USP34: variants seen among roughly 807,000 people sequenced by gnomAD.
The protein encoded by USP34 is ubiquitin specific peptidase 34, also known as ubiquitin carboxyl-terminal hydrolase 34.
A neutral mutation model predicts 460.3 loss-of-function variants in USP34; 70 were observed. That is an observed-to-expected ratio of 0.15 (90% CI 0.13 to 0.19). The LOEUF is 0.19. USP34 is among the 10% of genes least tolerant of loss of function. USP34 has a pLI of 1.00. For synonymous variants in USP34, 1,647 were observed against 1,405.3 expected (o/e 1.17, Z -3.85); for missense variants, 3,985 against 4,236.2 (o/e 0.94, Z 1.65).
At chr2:61,353,531 A>G (rs1349985747) in intron 10 of USP34, among the ~76,000 whole-genome samples, 1 of 151,568 alleles carries the variant, frequency 6.6e-6, no homozygotes, top group Non-Finnish European at 1.5e-5. Context: ...AGCTGGGACC[A>G]CAGGTGTGTG....
intron 2 of USP34, among the ~76,000 whole-genome samples, chr2:61,419,935 A>G (rs1356812512): frequency 6.6e-6 from 1 of 152,244 alleles, no homozygotes; most frequent in Non-Finnish European, 1.5e-5. Flanking sequence ...AATAAAATCT[A>G]CAAAGTCTTT....
chr2:61,378,913 G>GAAAAAAAAAAAACAA (rs1692880184), intron 7 of USP34, among the ~76,000 whole-genome samples: 1 of 57,872 alleles, frequency 1.7e-5, no homozygotes, highest in Non-Finnish European at 2.8e-5. Flanking sequence ...TCAAAAAAAC[G>GAAAAAAAAAAAACAA]AAAAAAAAAA....
At chr2:61,204,446 G>T in intron 73 of USP34, 51 bp downstream of exon 73, 7 of 1,613,044 alleles carry the variant, frequency 4.3e-6, no homozygotes, top group Non-Finnish European at 5.9e-6. Context: ...TCAGTGTGCA[G>T]AACGATTAAA....
intron 37 of USP34, 74 bp from the exon 38 acceptor site, chr2:61,281,316 T>G: frequency 2.0e-6 from 3 of 1,495,266 alleles, no homozygotes; most frequent in Non-Finnish European, 1.8e-6. Context: ...GAAATAATTT[T>G]AGGTGATTTT....
intron 1 of USP34, among the ~76,000 whole-genome samples, chr2:61,435,447 A>C (rs967282696): frequency 6.6e-6 from 1 of 152,164 alleles, no homozygotes; most frequent in East Asian, 1.9e-4. Flanking sequence ...TAACAGAGTT[A>C]AAGTACTAAA....
chr2:61,331,477 A>C, intron 19 of USP34, 106 bp from the exon 20 acceptor site: 1 of 865,818 alleles, frequency 1.2e-6, no homozygotes, highest in Non-Finnish European at 1.6e-6. Context: ...TCAAATGTAA[A>C]ATTTTAGTTA....
chr2:61,344,126 A>C, intron 15 of USP34, 97 bp from the exon 16 acceptor site: 1 of 1,134,568 alleles, frequency 8.8e-7, no homozygotes, highest in Admixed American at 2.3e-5. Context: ...AAATACACTT[A>C]GAAACAAACC....
chr2:61,228,588 T>C, intron 61 of USP34, 57 bp downstream of exon 61: 1 of 1,524,738 alleles, frequency 6.6e-7, no homozygotes. Context: ...CTTCGCACGA[T>C]GCAAACTATG....
intron 61 of USP34, among the ~76,000 whole-genome samples, chr2:61,228,075 A>G (rs917903278): frequency 6.6e-6 from 1 of 152,230 alleles, no homozygotes; most frequent in Non-Finnish European, 1.5e-5. Context: ...ACCGAGGATC[A>G]AAGCACAACA....
At chr2:61,343,713 T>G in intron 16 of USP34, 102 bp downstream of exon 16, 1 of 1,250,582 alleles carries the variant, frequency 8.0e-7, no homozygotes, top group Non-Finnish European at 1.1e-6. Context: ...GACAAAAACA[T>G]TTAAGTACCA....
intron 67 of USP34, among the ~76,000 whole-genome samples, chr2:61,216,281 C>G (rs1035538025): frequency 6.6e-6 from 1 of 152,134 alleles, no homozygotes; most frequent in African/African-American, 2.4e-5. Context: ...AAACTTCAAT[C>G]AAGAAAAGTA....
intron 2 of USP34, among the ~76,000 whole-genome samples, chr2:61,410,869 C>G (rs541240066): frequency 4.0e-4 from 61 of 152,222 alleles, no homozygotes; most frequent in Non-Finnish European, 7.5e-4. Flanking sequence ...ATCAACCCCA[C>G]AGAACACTGG....
At chr2:61,380,973 C>A (rs1482460567) in intron 6 of USP34, among the ~76,000 whole-genome samples, 1 of 152,138 alleles carries the variant, frequency 6.6e-6, no homozygotes, top group Admixed American at 6.6e-5. Flanking sequence ...CCAGTTTCAG[C>A]CAAGTCAATA....
intron 8 of USP34, among the ~76,000 whole-genome samples, chr2:61,373,964 G>C (rs916487981): frequency 6.6e-6 from 1 of 152,026 alleles, no homozygotes; most frequent in Non-Finnish European, 1.5e-5. Context: ...AGACCAGCCC[G>C]ACCAACATGG....
Position 61,402,721 on chromosome 2 carries a change from G to A in USP34, c.552+2987C>T, listed in dbSNP as rs562006672. On this transcript the variant is annotated intron_variant, in intron 3 of 79. Transcript: ENST00000398571. The stretch of plus-strand genomic sequence containing the variant: ...AAATCAAAATCAAAGGCTTAAGAAA[G>A]GATAGCACAGCAGCACAAAGAAAAG... Among the ~76,000 whole-genome samples, 11 of 152,176 alleles carry A rather than the reference G, an allele frequency of 7.2e-5. No individual in the cohort carries two copies. In the East Asian group the frequency reaches 2.1e-3, roughly 29 times the overall value.
intron 30 of USP34, 148 bp downstream of exon 30, chr2:61,296,652 A>G: frequency 1.5e-6 from 1 of 654,784 alleles, no homozygotes; most frequent in Non-Finnish European, 2.4e-6. Flanking sequence ...ATGAACATTA[A>G]AATGCAGTGG....
At chr2:61,188,784 T>TA in intron 79 of USP34, 75 bp from the exon 80 acceptor site, 10 of 1,567,692 alleles carry the variant, frequency 6.4e-6, no homozygotes, top group Non-Finnish European at 6.0e-6. Context: ...TGTGGGAAGT[T>TA]AATTTTGTTT....
chr2:61,298,572 A>AAAC (rs1690115222), intron 29 of USP34, among the ~76,000 whole-genome samples: 3 of 130,146 alleles, frequency 2.3e-5, no homozygotes, highest in African/African-American at 5.7e-5. Flanking sequence ...AAAAAAAAAA[A>AAAC]TCTGCTGAAA....
In USP34 at chr2:61,454,473, A is replaced by G. The variant is rs1181396629; in HGVS notation, c.43+16177T>C. On this transcript the variant is annotated intron_variant, in intron 1 of 79. Transcript: ENST00000398571. ...TTGTTTTTGTTTTTCCCAAAGGGAAAGCACTGGATCCATGGAGTTATAGAG... is the reference window on the plus strand; with the variant it reads ...TTGTTTTTGTTTTTCCCAAAGGGAAGGCACTGGATCCATGGAGTTATAGAG... Among the ~76,000 whole-genome samples, 5 of 151,996 alleles carry G rather than the reference A, an allele frequency of 3.3e-5. No individual in the cohort carries two copies. The South Asian group carries it at 1.0e-3, about 32-fold the overall frequency.
Sources: gnomAD v4.1 joint callset for allele counts (sites outside exome capture counted in the v4.1 genomes callset) on GRCh38, gnomAD v4.1.1 for gene constraint, MANE v1.5 for transcripts, NCBI Gene and HGNC (gene_info 2026-07-23, HGNC 2026-07-21) for gene names.